Variants in RNLS observed in about 807,000 individuals in gnomAD.
RNLS encodes the protein renalase.
In RNLS, 39 loss-of-function variants were observed where a neutral mutation model predicts 39.8. The observed-to-expected ratio is 0.98, with a 90% confidence interval of 0.76 to 1.28. The LOEUF is 1.28. Ranked by LOEUF, RNLS falls within the 50% of genes most tolerant of loss-of-function variation. The pLI, the probability that RNLS is intolerant of heterozygous loss-of-function variation, is 0.00. For synonymous variants in RNLS, 147 were observed against 150.7 expected (o/e 0.98, Z 0.18); for missense variants, 410 against 413.3 (o/e 0.99, Z 0.07).
chr10:88,540,412 G>A (rs1372065806), intron 4 of RNLS, among the ~76,000 whole-genome samples: 1 of 152,144 alleles, frequency 6.6e-6, no homozygotes, highest in African/African-American at 2.4e-5. Context: ...TACCCAAGTT[G>A]TTACTATTAT....
chr10:88,390,137 A>C lies in RNLS; in HGVS notation c.527-27412T>G, dbSNP rs539497964. Reference sequence around the variant, plus strand: ...AGCTGATAAAATCATCAAAATGGTAAGTGTCCCAGTGTTGGTTCCTTGAAA... The same window carrying C: ...AGCTGATAAAATCATCAAAATGGTACGTGTCCCAGTGTTGGTTCCTTGAAA... On this transcript the variant is annotated intron_variant, in intron 4 of 6. Coordinates refer to ENST00000331772, the MANE Select transcript of RNLS (RefSeq NM_001031709.3). Among the ~76,000 whole-genome samples the C allele has an allele frequency of 7.9e-4, 121 of 152,374 alleles. 1 individual carries two copies. In the South Asian group the frequency reaches 9.5e-3, roughly 12 times the overall value.
the RNLS span, among the ~76,000 whole-genome samples, chr10:88,249,246 G>T: frequency 6.6e-6 from 1 of 152,130 alleles, no homozygotes; most frequent in Non-Finnish European, 1.5e-5. Flanking sequence ...TCTAACTTCT[G>T]CCAGGTAACC....
intron 4 of RNLS, among the ~76,000 whole-genome samples, chr10:88,394,124 A>G (rs1034609340): frequency 6.6e-6 from 1 of 152,234 alleles, no homozygotes; most frequent in Non-Finnish European, 1.5e-5. Flanking sequence ...TTAAGGACAT[A>G]GGCATGGGCA....
intron 4 of RNLS, among the ~76,000 whole-genome samples, chr10:88,525,570 G>T (rs1023065934): frequency 6.6e-6 from 1 of 152,120 alleles, no homozygotes; most frequent in South Asian, 2.1e-4. Flanking sequence ...TACTACATAC[G>T]CAAACACTTA....
chr10:88,469,892 T>C (rs949950195), intron 4 of RNLS, among the ~76,000 whole-genome samples: 3 of 147,422 alleles, frequency 2.0e-5, no homozygotes, highest in Non-Finnish European at 3.0e-5. Context: ...TTCTTACACC[T>C]AAAGTTATGT....
chr10:88,356,516 CCTT>C (rs1364331604), intron 5 of RNLS, among the ~76,000 whole-genome samples: 2 of 152,194 alleles, frequency 1.3e-5, no homozygotes, highest in South Asian at 2.1e-4. Flanking sequence ...CATATTATGT[CCTT>C]CTTTTTATAA....
chr10:88,346,574 TA>T (rs1848321595), intron 5 of RNLS, among the ~76,000 whole-genome samples: 1 of 152,170 alleles, frequency 6.6e-6, no homozygotes, highest in Admixed American at 6.5e-5. Context: ...GTTTTAGAGA[TA>T]AACAATTTGC....
chr10:88,211,380 G>A, the RNLS span, among the ~76,000 whole-genome samples: 1 of 152,156 alleles, frequency 6.6e-6, no homozygotes, highest in Non-Finnish European at 1.5e-5. Context: ...GACAGGCCTG[G>A]CCTCTGTCCT....
At chr10:88,429,853 C>T (rs1159200712) in intron 4 of RNLS, among the ~76,000 whole-genome samples, 1 of 151,808 alleles carries the variant, frequency 6.6e-6, no homozygotes, top group Admixed American at 6.6e-5. Context: ...TGTCTATATA[C>T]AAGTGAAATG....
At chr10:88,471,536 A>T (rs1016670629) in intron 4 of RNLS, among the ~76,000 whole-genome samples, 5 of 152,186 alleles carry the variant, frequency 3.3e-5, no homozygotes, top group Admixed American at 2.6e-4. Context: ...AGAGTACTGT[A>T]AGGCGAAAAG....
the RNLS span, among the ~76,000 whole-genome samples, chr10:88,205,215 G>A: frequency 3.9e-5 from 6 of 152,222 alleles, no homozygotes; most frequent in Admixed American, 6.5e-5. Context: ...TTGCTAGACC[G>A]TGTCATCTGG....
At chr10:88,422,351 G>C (rs538386605) in intron 4 of RNLS, among the ~76,000 whole-genome samples, 1 of 152,104 alleles carries the variant, frequency 6.6e-6, no homozygotes, top group Non-Finnish European at 1.5e-5. Flanking sequence ...AGCTTCCCAA[G>C]TTATATATAA....
At chr10:88,469,813 ATGTGTGTGCGTGTGTG>A (rs1187739959) in intron 4 of RNLS, among the ~76,000 whole-genome samples, 1 of 128,122 alleles carries the variant, frequency 7.8e-6, no homozygotes, top group Non-Finnish European at 1.7e-5. Context: ...CAATATTTTT[ATGTGTGTGCGTGTGTG>A]TGTGTGTGTG....
chr10:88,271,121 A>G (rs1589439125), downstream of RNLS, among the ~76,000 whole-genome samples: 1 of 152,196 alleles, frequency 6.6e-6, no homozygotes. Context: ...CCTTTGATAC[A>G]GGGCATTTCT....
chr10:88,452,869 T>C (rs1353904241), intron 4 of RNLS, among the ~76,000 whole-genome samples: 1 of 152,202 alleles, frequency 6.6e-6, no homozygotes, highest in Non-Finnish European at 1.5e-5. Flanking sequence ...TGGTACTCTC[T>C]TGCTCAATTT....
intron 3 of RNLS, among the ~76,000 whole-genome samples, chr10:88,575,592 CCAACTGCTTGGAG>C (rs1850152628): frequency 6.6e-6 from 1 of 152,056 alleles, no homozygotes; most frequent in Non-Finnish European, 1.5e-5. Context: ...GGCTTCCTTT[CCAACTGCTTGGAG>C]CAAAGTTTTT....
At chr10:88,208,864 G>A in the RNLS span, among the ~76,000 whole-genome samples, 1 of 152,204 alleles carries the variant, frequency 6.6e-6, no homozygotes, top group African/African-American at 2.4e-5. Flanking sequence ...TTTTTTGAGA[G>A]AATAGCTCTT....
intron 4 of RNLS, among the ~76,000 whole-genome samples, chr10:88,370,031 C>G (rs559253294): frequency 1.3e-5 from 2 of 152,208 alleles, no homozygotes; most frequent in Non-Finnish European, 2.9e-5. Context: ...CCATCTATTT[C>G]TTGCTGGGAC....
rs532797371 is a variant in RNLS at position 88,477,613 on chromosome 10, A to G, written c.526+95290T>C. Among the ~76,000 whole-genome samples the G allele has an allele frequency of 1.2e-4, 19 of 152,268 alleles. No homozygotes were observed. In the South Asian group the frequency reaches 2.1e-3, roughly 17 times the overall value. ...TGACAGGGATGACAGAAATTTGAAG[A>G]CTGTGGAAGACAATAACAGTGGTAT... On this transcript the variant is annotated intron_variant, in intron 4 of 6. Transcript: ENST00000331772.
Sources: allele counts gnomAD v4.1 joint callset (sites outside exome capture counted in the v4.1 genomes callset), GRCh38; gene constraint gnomAD v4.1.1; transcripts MANE v1.5; gene names NCBI Gene and HGNC (gene_info 2026-07-23, HGNC 2026-07-21).